The following TGFBR1 variants were observed in gnomAD, a reference collection of about 807,000 sequenced individuals.
The protein encoded by TGFBR1 is TGF-beta receptor type-1.
Under a neutral mutation model 55.1 loss-of-function variants are expected in TGFBR1, and 20 were observed. The ratio of observed to expected loss-of-function variants is 0.36; its 90% CI spans 0.26 to 0.53. The LOEUF (loss-of-function observed/expected upper bound fraction) is 0.53. Ranked by LOEUF, TGFBR1 falls within the 20% of genes least tolerant of loss-of-function variation. The pLI is 0.91. For missense variants in TGFBR1, 385 were observed against 617.6 expected, an observed-to-expected ratio of 0.62 and a Z score of 3.99; for synonymous variants, 220 against 214.8, an observed-to-expected ratio of 1.02 and a Z score of -0.21.
chr9:99,107,171 C>T (rs1203254061), intron 1 of TGFBR1, among the ~76,000 whole-genome samples: 1 of 152,194 alleles, frequency 6.6e-6, no homozygotes, highest in Non-Finnish European at 1.5e-5. Context: ...TGTCCAGGTG[C>T]TTATTACTCT....
chr9:99,124,852 A>C (rs958019904), intron 1 of TGFBR1, among the ~76,000 whole-genome samples: 1 of 152,124 alleles, frequency 6.6e-6, no homozygotes, highest in Non-Finnish European at 1.5e-5. Flanking sequence ...ACTTTTTCAA[A>C]TTTACCGTAA....
intron 4 of TGFBR1, among the ~76,000 whole-genome samples, chr9:99,140,193 G>A (rs914388895): frequency 1.3e-5 from 2 of 152,206 alleles, no homozygotes; most frequent in African/African-American, 4.8e-5. Flanking sequence ...GCTCACGCCT[G>A]TAATCCCAGC....
At chr9:99,123,591 T>G (rs1826956107) in intron 1 of TGFBR1, among the ~76,000 whole-genome samples, 1 of 152,188 alleles carries the variant, frequency 6.6e-6, no homozygotes, top group Admixed American at 6.5e-5. Context: ...CACATCCGCC[T>G]GTAATCTGGG....
chr9:99,116,130 AC>A (rs746583077), intron 1 of TGFBR1, among the ~76,000 whole-genome samples: 1 of 151,098 alleles, frequency 6.6e-6, no homozygotes, highest in Non-Finnish European at 1.5e-5. Context: ...TTCTGCTCTC[AC>A]ATTCTTTCTC....
At chr9:99,148,384 T>G (rs1827868609) in intron 8 of TGFBR1, among the ~76,000 whole-genome samples, 1 of 152,226 alleles carries the variant, frequency 6.6e-6, no homozygotes, top group Admixed American at 6.5e-5. Context: ...AATTGTAAAT[T>G]TAAAGATTCG....
In TGFBR1 at chr9:99,151,505, T is replaced by C; in HGVS notation, c.*2200T>C. The C allele has an allele frequency of 4.4e-6, 1 of 227,596 alleles. No homozygotes were observed. The allele number at this position is 227,596 out of a possible 1,614,324, so 14.1% of individuals were successfully genotyped here. On this transcript the variant is annotated 3_prime_UTR_variant, in exon 9 of 9. Transcript: ENST00000374994. ...TATCACTAAAACTATTTTTATATAA[T>C]TTTAAGAATATACCAAAAGTTGTCT... is the stretch of plus-strand genomic sequence containing the variant.
In TGFBR1 at chr9:99,153,598, A is replaced by G. The variant is rs201453868; in HGVS notation, c.*4293A>G. On this transcript the variant is annotated 3_prime_UTR_variant, in exon 9 of 9. Transcript: ENST00000374994. Reference sequence around the variant, plus strand: ...AAGAGTGATGCTTATGTTAAGTCCTAACACTACAGTAGAAGAATGGAAGCA... The same window carrying G: ...AAGAGTGATGCTTATGTTAAGTCCTGACACTACAGTAGAAGAATGGAAGCA... 26 of 194,588 alleles carry G rather than the reference A, an allele frequency of 1.3e-4. No individual in the cohort carries two copies. Among genetic ancestry groups the G allele is most frequent in the Middle Eastern group, 1.8e-3 (1 of 556 alleles). 12.1% of individuals were successfully genotyped at this position (194,588 alleles called of 1,614,324 possible).
At chr9:99,109,791 A>G (rs1355175740) in intron 1 of TGFBR1, among the ~76,000 whole-genome samples, 1 of 152,174 alleles carries the variant, frequency 6.6e-6, no homozygotes, top group Non-Finnish European at 1.5e-5. Flanking sequence ...TGCTTTTGGA[A>G]TTGAGGGCAG....
rs1554703244 is a variant in TGFBR1, at chr9:99,151,408, T to TTG, written c.*2104_*2105insGT. 4.1e-3 allele frequency: 901 copies of TTG among 222,060 alleles called. No individual in the cohort carries two copies. The highest frequency in any genetic ancestry group is 5.0e-3 in the Non-Finnish European group (566 of 112,648). 13.8% of individuals were successfully genotyped at this position (222,060 alleles called of 1,614,324 possible). ...GGGGTTTTTTTTTTGTTTTTTTTTT[T>TTG]TTGTTGTTGTTTTTGGGCCATTTCT... On this transcript the variant is annotated 3_prime_UTR_variant, in exon 9 of 9. Coordinates refer to ENST00000374994, the MANE Select transcript of TGFBR1 (RefSeq NM_004612.4).
intron 1 of TGFBR1, among the ~76,000 whole-genome samples, chr9:99,122,531 G>A (rs144488560): frequency 9.1e-4 from 139 of 152,080 alleles, no homozygotes; most frequent in Middle Eastern, 3.4e-3. Flanking sequence ...ATGTTACCCC[G>A]AGAGTTGTTA....
rs11466474 is a variant in TGFBR1, at chr9:99,147,401, A to G, written c.1256-253A>G. Among the ~76,000 whole-genome samples, 504 of 152,306 alleles carry G rather than the reference A, an allele frequency of 3.3e-3. 1 individual carries two copies. The highest frequency in any genetic ancestry group is 0.011 in the African/African-American group (472 of 41,562). On this transcript the variant is annotated intron_variant, in intron 7 of 8. Coordinates refer to ENST00000374994, the MANE Select transcript of TGFBR1 (RefSeq NM_004612.4). ...AATGTCAATCTGGTCATCACAGCTCATAGTTTACTGTCATTTCAAATAGGC... is the reference window on the plus strand; with the variant it reads ...AATGTCAATCTGGTCATCACAGCTCGTAGTTTACTGTCATTTCAAATAGGC...
chr9:99,112,229 CTG>C (rs1826607778), intron 1 of TGFBR1, among the ~76,000 whole-genome samples: 1 of 152,140 alleles, frequency 6.6e-6, no homozygotes, highest in South Asian at 2.1e-4. Context: ...GAAATGGTGA[CTG>C]TATGACATTT....
At chr9:99,138,186 T>C (rs1474467536) in intron 4 of TGFBR1, 97 bp downstream of exon 4, 2 of 1,066,468 alleles carry the variant, frequency 1.9e-6, no homozygotes, top group African/African-American at 3.1e-5. Flanking sequence ...AGATGAGACA[T>C]AGATGTCTCT....
intron 4 of TGFBR1, among the ~76,000 whole-genome samples, chr9:99,140,469 C>CAA (rs1188891710): frequency 2.0e-5 from 3 of 151,330 alleles, no homozygotes; most frequent in Non-Finnish European, 4.4e-5. Flanking sequence ...AAAAAAACAA[C>CAA]AACAAAACAA....
intron 1 of TGFBR1, among the ~76,000 whole-genome samples, chr9:99,107,544 A>G (rs191172468): frequency 6.6e-6 from 1 of 152,172 alleles, no homozygotes; most frequent in African/African-American, 2.4e-5. Flanking sequence ...TGCCTCTTGA[A>G]TGTCTCCTCC....
chr9:99,112,498 GTTTA>G (rs775596576), intron 1 of TGFBR1, among the ~76,000 whole-genome samples: 7 of 152,148 alleles, frequency 4.6e-5, no homozygotes, highest in Non-Finnish European at 8.8e-5. Flanking sequence ...CTTATTTACT[GTTTA>G]TTGTCTCCTT....
At chr9:99,149,119 C>A in intron 8 of TGFBR1, 61 bp from the exon 9 acceptor site, 2 of 1,531,768 alleles carry the variant, frequency 1.3e-6, no homozygotes, top group African/African-American at 1.4e-5. Context: ...CGTAAAAATT[C>A]TTATCCAGAC....
At chr9:99,138,794 T>C (rs1343493790) in intron 4 of TGFBR1, among the ~76,000 whole-genome samples, 3 of 151,996 alleles carry the variant, frequency 2.0e-5, no homozygotes, top group Non-Finnish European at 4.4e-5. Context: ...TTTATGCCCA[T>C]GATTCCTACT....
chr9:99,106,478 C>T (rs950319055), intron 1 of TGFBR1, among the ~76,000 whole-genome samples: 1 of 152,096 alleles, frequency 6.6e-6, no homozygotes, highest in Non-Finnish European at 1.5e-5. Flanking sequence ...TATAATCAGT[C>T]CTAATAGCTA....
Sources: allele counts gnomAD v4.1 joint callset (sites outside exome capture counted in the v4.1 genomes callset), GRCh38; gene constraint gnomAD v4.1.1; transcripts MANE v1.5; gene names NCBI Gene and HGNC (gene_info 2026-07-23, HGNC 2026-07-21).